Variants in DHX57 observed in about 807,000 individuals in gnomAD.
DHX57 encodes putative ATP-dependent RNA helicase DHX57.
DHX57 carries 105 observed loss-of-function variants against 156.2 expected under a neutral mutation model. That is an observed-to-expected ratio of 0.67 (90% confidence interval 0.57 to 0.79). DHX57 has a LOEUF of 0.79. DHX57 is among the 30% of genes least tolerant of loss of function. The probability of loss-of-function intolerance (pLI) is 0.00; values close to 1 mark genes in which losing one functional copy is unlikely to be tolerated. For synonymous variants in DHX57, 704 were observed against 595.6 expected, an observed-to-expected ratio of 1.18 and a Z score of -2.65; for missense variants, 1,847 against 1,661.9, an observed-to-expected ratio of 1.11 and a Z score of -1.94.
intron 22 of DHX57, 58 bp downstream of exon 22, chr2:38,806,501 A>G: frequency 6.3e-7 from 1 of 1,579,516 alleles, no homozygotes; most frequent in South Asian, 1.2e-5. Flanking sequence ...AATTTAAGGA[A>G]TTGCATTTCC....
intron 16 of DHX57, among the ~76,000 whole-genome samples, chr2:38,825,264 A>T (rs1671031801): frequency 6.6e-6 from 1 of 152,160 alleles, no homozygotes; most frequent in Non-Finnish European, 1.5e-5. Context: ...AATTGACAGT[A>T]ATCCACTTAC....
intron 12 of DHX57, 34 bp downstream of exon 12, chr2:38,842,971 C>T: frequency 1.3e-6 from 2 of 1,593,480 alleles, no homozygotes; most frequent in Non-Finnish European, 1.7e-6. Flanking sequence ...AAATCTTTGG[C>T]ATAATTATAA....
At chr2:38,853,400 G>A (rs1486660635) in intron 9 of DHX57, 1 of 152,086 alleles carries the variant, frequency 6.6e-6, no homozygotes, top group Non-Finnish European at 1.5e-5. Flanking sequence ...AGGGATTATG[G>A]GTGTGAGCCA....
intron 20 of DHX57, among the ~76,000 whole-genome samples, chr2:38,814,359 TA>T (rs1300541930): frequency 2.6e-5 from 4 of 152,090 alleles, no homozygotes; most frequent in Non-Finnish European, 5.9e-5. Flanking sequence ...TATTTCTAAG[TA>T]AAAAAACAAA....
chr2:38,845,811 G>A (rs1367741935), intron 11 of DHX57, among the ~76,000 whole-genome samples: 2 of 151,700 alleles, frequency 1.3e-5, no homozygotes, highest in Admixed American at 6.6e-5. Flanking sequence ...TAACACTCAG[G>A]CTATACTGCA....
rs764384767 is a variant in DHX57 at position 38,823,100 on chromosome 2, G to T, written c.3184C>A (p.Leu1062Met). ...TTGCCAATTCTCACATCCACGGGCAGAGAGGCCAAATGATACCCAAGAGGG... is the reference window on the plus strand; with the variant it reads ...TTGCCAATTCTCACATCCACGGGCATAGAGGCCAAATGATACCCAAGAGGG... ...LTPLGYHLAS[L>M]PVDVRIGKLM... The change falls in exon 17 of 24, where the codon CTG becomes ATG. Residue 1062 changes from leucine to methionine, a missense_variant. By Grantham distance (15) the Leu-to-Met change is conservative (BLOSUM62 2). Coordinates refer to ENST00000457308, the MANE Select transcript of DHX57 (RefSeq NM_198963.3). 4 of 1,614,192 alleles carry T rather than the reference G, an allele frequency of 2.5e-6. No homozygotes were observed. The highest frequency in any genetic ancestry group is 3.4e-6 in the Non-Finnish European group (4 of 1,180,026).
intron 12 of DHX57, among the ~76,000 whole-genome samples, chr2:38,840,999 T>G (rs774561557): frequency 3.9e-5 from 6 of 152,078 alleles, no homozygotes; most frequent in Admixed American, 6.6e-5. Flanking sequence ...TAAAAAACAT[T>G]TGTAGTAGAG....
intron 13 of DHX57, among the ~76,000 whole-genome samples, chr2:38,834,331 CA>C (rs33985881): frequency 0.69 from 57,789 of 83,628 alleles, 18,741 homozygotes; most frequent in East Asian, 0.83. Context: ...AACTCCATCT[CA>C]AAAAAAAAAA....
chr2:38,802,896 G>A lies in DHX57; in HGVS notation c.3836C>T (p.Pro1279Leu), dbSNP rs1197715667. ...VNYQVRHFDS[P>L]YLLYHEKIKT... ...TATCTTCTCGTGGTACAACAGGTAGGGGCTGTCAAAGTGTCTCACCTGTAA... is the reference window on the plus strand; with the variant it reads ...TATCTTCTCGTGGTACAACAGGTAGAGGCTGTCAAAGTGTCTCACCTGTAA... The change falls in exon 23 of 24, where the codon CCC (proline) becomes CTC (leucine). Residue 1279 changes from proline to leucine, a missense_variant. Pro to Leu is a moderately conservative substitution (Grantham distance 98). Transcript: ENST00000457308. 1 of 1,614,040 alleles carries A rather than the reference G, an allele frequency of 6.2e-7. No homozygotes were observed. The highest frequency in any genetic ancestry group is 8.5e-7 in the Non-Finnish European group (1 of 1,180,014).
At chr2:38,832,041 G>A (rs2124836959) in intron 13 of DHX57, among the ~76,000 whole-genome samples, 1 of 152,098 alleles carries the variant, frequency 6.6e-6, no homozygotes, top group Non-Finnish European at 1.5e-5. Flanking sequence ...AAAGAAACAA[G>A]ATATACAGTC....
chr2:38,872,131 T>C (rs897796615), intron 1 of DHX57, among the ~76,000 whole-genome samples: 2 of 152,216 alleles, frequency 1.3e-5, no homozygotes, highest in African/African-American at 4.8e-5. Flanking sequence ...ACTGTTGCAT[T>C]GGAAATTAAA....
At chr2:38,825,705 T>C (rs1282193868) in intron 16 of DHX57, 142 bp downstream of exon 16, 1 of 829,212 alleles carries the variant, frequency 1.2e-6, no homozygotes, top group Non-Finnish European at 1.9e-6. Context: ...ACACTAAGGA[T>C]ATCTTTCTTC....
chr2:38,826,470 T>A (rs1671090644), intron 15 of DHX57, 46 bp downstream of exon 15: 2 of 1,594,432 alleles, frequency 1.3e-6, no homozygotes, highest in East Asian at 4.5e-5. Flanking sequence ...TCTCCCTAAA[T>A]GAAGCATTTT....
At chr2:38,869,182 C>A (rs1558409220) in intron 1 of DHX57, among the ~76,000 whole-genome samples, 1 of 152,200 alleles carries the variant, frequency 6.6e-6, no homozygotes, top group Admixed American at 6.5e-5. Context: ...TTTATATATG[C>A]TCTATCAGGA....
At chr2:38,860,008 G>A (rs879082684) in intron 5 of DHX57, among the ~76,000 whole-genome samples, 2 of 151,876 alleles carry the variant, frequency 1.3e-5, no homozygotes, top group African/African-American at 4.8e-5. Flanking sequence ...TTCTAGAGAT[G>A]GGGTCTCATT....
In DHX57 at chr2:38,798,147, T is replaced by C. The variant is rs1019937811; in HGVS notation, c.*152A>G. ...TTTGTTAGAAATGGCCCTAAGGGTA[T>C]ATACACTGCCTCAGCTGCCTTGGGC... On this transcript the variant is annotated 3_prime_UTR_variant, in exon 24 of 24. Coordinates refer to ENST00000457308, the MANE Select transcript of DHX57 (RefSeq NM_198963.3). 2 of 999,412 alleles carry C rather than the reference T, an allele frequency of 2.0e-6. No individual in the cohort carries two copies. The highest frequency in any genetic ancestry group is 2.9e-6 in the Non-Finnish European group (2 of 685,338). 61.9% of individuals were successfully genotyped at this position (999,412 alleles called of 1,614,324 possible).
chr2:38,810,144 C>G (rs886575525), intron 21 of DHX57, among the ~76,000 whole-genome samples: 1 of 151,740 alleles, frequency 6.6e-6, no homozygotes, highest in African/African-American at 2.4e-5. Context: ...ATCTGCCCAC[C>G]TCGGTCTCCC....
rs988118346 is a variant in DHX57 at position 38,868,932 on chromosome 2, G to A, written c.-6-521C>T. 2.0e-5 allele frequency among the ~76,000 whole-genome samples: 3 copies of A among 152,238 alleles called. No individual in the cohort carries two copies. In the South Asian group the frequency reaches 6.2e-4, roughly 32 times the overall value. ...TTCTCCTACCTCAGCCTCTGGAGTA[G>A]CTGGGACTACAGGCGCCTGCCACCA... On this transcript the variant is annotated intron_variant, in intron 1 of 23. Coordinates refer to ENST00000457308, the MANE Select transcript of DHX57 (RefSeq NM_198963.3).
At chr2:38,856,567 G>C (rs890089912) in intron 6 of DHX57, 106 bp from the exon 7 acceptor site, 49 of 1,381,374 alleles carry the variant, frequency 3.5e-5, no homozygotes, top group Non-Finnish European at 1.1e-5. Flanking sequence ...GCAGTGGTGC[G>C]ATCACGGCTC....
Sources: gnomAD v4.1 joint callset for allele counts (sites outside exome capture counted in the v4.1 genomes callset) on GRCh38, gnomAD v4.1.1 for gene constraint, MANE v1.5 for transcripts, NCBI Gene and HGNC (gene_info 2026-07-23, HGNC 2026-07-21) for gene names.